Variants in ACACA observed in about 807,000 individuals in gnomAD.
ACACA encodes the protein acetyl-CoA carboxylase alpha.
Under a neutral mutation model 296.1 loss-of-function variants are expected in ACACA, and 103 were observed. That is an observed-to-expected ratio of 0.35 (90% CI 0.30 to 0.41). The LOEUF (loss-of-function observed/expected upper bound fraction) is 0.41, where lower values mean the gene tolerates loss of function less well. Ranked by LOEUF, ACACA falls within the 10% of genes least tolerant of loss-of-function variation. The pLI, the probability that ACACA is intolerant of heterozygous loss-of-function variation, is 1.00. For missense variants in ACACA, 1,554 were observed against 2,989.7 expected (o/e 0.52, Z 11.20); for synonymous variants, 953 against 1,038.6 (o/e 0.92, Z 1.58).
intron 1 of ACACA, among the ~76,000 whole-genome samples, chr17:37,359,424 C>G (rs2049309264): frequency 6.6e-6 from 1 of 151,474 alleles, no homozygotes; most frequent in Admixed American, 6.6e-5. Context: ...GGGCCGCGGG[C>G]GGGCCGCGGG....
chr17:37,143,813 A>G (rs952989566), intron 45 of ACACA: 98 of 1,272,650 alleles, frequency 7.7e-5, no homozygotes, highest in Non-Finnish European at 1.0e-4. Flanking sequence ...TTAGCTCAAT[A>G]TGCAGCAGTA....
In ACACA at chr17:37,246,121, A is replaced by C. The variant is rs186765590; in HGVS notation, c.2460+705T>G. Among the ~76,000 whole-genome samples the C allele has an allele frequency of 5.5e-4, 84 of 152,276 alleles. 1 individual carries two copies. The highest frequency in any genetic ancestry group is 9.8e-4 in the Admixed American group (15 of 15,296). On this transcript the variant is annotated intron_variant, in intron 19 of 55. Coordinates refer to ENST00000616317, the MANE Select transcript of ACACA (RefSeq NM_198834.3). Reference sequence around the variant, plus strand: ...AAGATCAAATGTCTCTTCTTTCAGAATATCTTCCCATACAAGCTTAGCTTG... The same window carrying C: ...AAGATCAAATGTCTCTTCTTTCAGACTATCTTCCCATACAAGCTTAGCTTG...
At chr17:37,099,086 A>G (rs1053630747) in intron 52 of ACACA, among the ~76,000 whole-genome samples, 1 of 152,218 alleles carries the variant, frequency 6.6e-6, no homozygotes, top group African/African-American at 2.4e-5. Flanking sequence ...GGTCTATTTC[A>G]AGCATGCCTG....
intron 3 of ACACA, among the ~76,000 whole-genome samples, chr17:37,297,229 G>A (rs574731693): frequency 6.6e-6 from 1 of 151,220 alleles, no homozygotes; most frequent in South Asian, 2.1e-4. Flanking sequence ...ATCACCTGAG[G>A]TCGAGAGTTC....
At chr17:37,234,078 T>C (rs2079992292) in intron 25 of ACACA, among the ~76,000 whole-genome samples, 1 of 152,218 alleles carries the variant, frequency 6.6e-6, no homozygotes, top group South Asian at 2.1e-4. Context: ...TGTATGTTTT[T>C]TTCCTCCATG....
chr17:37,088,901 C>G, intron 55 of ACACA, 37 bp downstream of exon 55: 3 of 1,612,078 alleles, frequency 1.9e-6, no homozygotes, highest in Non-Finnish European at 2.5e-6. Flanking sequence ...AGAAATTAGC[C>G]CTCCTTCTCT....
At chr17:37,135,150 T>C (rs571997642) in intron 45 of ACACA, among the ~76,000 whole-genome samples, 1 of 152,312 alleles carries the variant, frequency 6.6e-6, no homozygotes, top group South Asian at 2.1e-4. Flanking sequence ...CAATTAACAA[T>C]TTTAAGTGGT....
intron 9 of ACACA, among the ~76,000 whole-genome samples, chr17:37,271,491 G>T (rs1455840646): frequency 6.6e-6 from 1 of 151,810 alleles, no homozygotes; most frequent in Non-Finnish European, 1.5e-5. Context: ...CTCCAGCCTG[G>T]GCAACAAGAG....
chr17:37,262,339 G>A (rs915435842), intron 11 of ACACA, among the ~76,000 whole-genome samples: 7 of 152,144 alleles, frequency 4.6e-5, no homozygotes, highest in Non-Finnish European at 1.0e-4. Flanking sequence ...TCAAGATCAT[G>A]CTTCCATATG....
intron 40 of ACACA, among the ~76,000 whole-genome samples, chr17:37,180,161 ATTAC>A (rs2077265186): frequency 6.6e-6 from 1 of 152,188 alleles, no homozygotes; most frequent in African/African-American, 2.4e-5. Context: ...TATAGGAAGA[ATTAC>A]TTAGAATGTG....
Position 37,259,448 on chromosome 17 carries a change from T to C in ACACA, c.1412A>G (p.Tyr471Cys). The change falls in exon 12 of 56, where the codon TAC becomes TGC. Residue 471 changes from tyrosine to cysteine, a missense_variant. Around this residue, in one of 16 missense-constraint regions of ACACA, gnomAD observed 82 missense variants for 185.2 expected, o/e 0.44. Coordinates refer to ENST00000616317, the MANE Select transcript of ACACA (RefSeq NM_198834.3). ...EYLYSQDGSF[Y>C]FLELNPRLQV... ...CAGCCGAGGATTCAATTCCAGAAAG[T>C]AGAAGCTGCCATCCTGGCTGTACAG... The C allele has an allele frequency of 1.2e-6, 2 of 1,614,172 alleles. No homozygotes were observed. The highest frequency in any genetic ancestry group is 1.7e-6 in the Non-Finnish European group (2 of 1,180,024).
chr17:37,242,025 G>A lies in ACACA; in HGVS notation c.2960C>T (p.Ala987Val). Residue 987 changes from alanine (A) to valine (V), a missense_variant, in exon 23 of 56, where the codon GCT becomes GTT. Transcript: ENST00000616317. ...QIANILDSHA[A>V]TLNRKSEREV... The stretch of plus-strand genomic sequence containing the variant: ...CCGTTCAGATTTCCGGTTCAATGTA[G>A]CTGCATGGCTATCTAGGATGTTTGC... 1 of 1,613,908 alleles carries A rather than the reference G, an allele frequency of 6.2e-7. No homozygotes were observed. The highest frequency in any genetic ancestry group is 8.5e-7 in the Non-Finnish European group (1 of 1,179,974).
chr17:37,333,969 C>G (rs1598517551), intron 2 of ACACA, among the ~76,000 whole-genome samples: 1 of 151,830 alleles, frequency 6.6e-6, no homozygotes, highest in African/African-American at 2.4e-5. Context: ...TTCGGACTTC[C>G]CCAAGGCTTA....
chr17:37,322,789 C>T (rs189129451), intron 3 of ACACA, among the ~76,000 whole-genome samples: 5 of 152,236 alleles, frequency 3.3e-5, no homozygotes, highest in East Asian at 3.9e-4. Context: ...AACTCGGGGC[C>T]GTCAGAGAAG....
At chr17:37,183,144 A>G (rs1358911052) in intron 39 of ACACA, among the ~76,000 whole-genome samples, 3 of 152,200 alleles carry the variant, frequency 2.0e-5, no homozygotes, top group Admixed American at 6.5e-5. Context: ...AGGTTCCTAG[A>G]ACTACATTTC....
chr17:37,299,340 T>C (rs1451129426), intron 3 of ACACA: 5 of 1,613,778 alleles, frequency 3.1e-6, no homozygotes, highest in Admixed American at 3.3e-5. Context: ...CATATCAAGA[T>C]GGGAAAAGAA....
intron 29 of ACACA, among the ~76,000 whole-genome samples, chr17:37,219,808 G>T (rs1302206788): frequency 6.6e-6 from 1 of 150,720 alleles, no homozygotes; most frequent in Non-Finnish European, 1.5e-5. Flanking sequence ...CTCTGAAACT[G>T]AATACATCAT....
At chr17:37,277,308 G>A (rs2082323014) in intron 6 of ACACA, among the ~76,000 whole-genome samples, 194 bp from the exon 7 acceptor site, 1 of 152,204 alleles carries the variant, frequency 6.6e-6, no homozygotes, top group South Asian at 2.1e-4. Flanking sequence ...ATTGTGGCAA[G>A]ATTTCTGAAG....
chr17:37,278,548 T>C (rs1357824695), intron 5 of ACACA, among the ~76,000 whole-genome samples: 2 of 152,236 alleles, frequency 1.3e-5, no homozygotes, highest in African/African-American at 4.8e-5. Flanking sequence ...TAAGAAACTT[T>C]AGAAAGATAA....
Sources: allele counts gnomAD v4.1 joint callset (sites outside exome capture counted in the v4.1 genomes callset), GRCh38; gene constraint gnomAD v4.1.1; regional missense constraint gnomAD v4.1.1; transcripts MANE v1.5; gene names NCBI Gene and HGNC (gene_info 2026-07-23, HGNC 2026-07-21).